The following VSIR variants were observed in gnomAD, a reference collection of about 807,000 sequenced individuals.
The protein encoded by VSIR is V-set immunoregulatory receptor.
A neutral mutation model predicts 31.0 loss-of-function variants in VSIR; 10 were observed. That is an observed-to-expected ratio of 0.32 (90% CI 0.20 to 0.55). The LOEUF is 0.55. VSIR is among the 20% of genes least tolerant of loss of function. The pLI is 0.93. For missense variants in VSIR, 356 were observed against 416.2 expected, an observed-to-expected ratio of 0.86 and a Z score of 1.26; for synonymous variants, 179 against 180.1, an observed-to-expected ratio of 0.99 and a Z score of 0.05.
At chr10:71,755,549 G>A in intron 3 of VSIR, 83 bp from the exon 4 acceptor site, 1 of 1,336,438 alleles carries the variant, frequency 7.5e-7, no homozygotes. Flanking sequence ...GAGAGGGAAG[G>A]CCAGGAAGCA....
chr10:71,759,804 C>T (rs1286814328), intron 3 of VSIR, among the ~76,000 whole-genome samples: 8 of 124,406 alleles, frequency 6.4e-5, no homozygotes, highest in Non-Finnish European at 1.3e-4. Context: ...AGAGTGAAAC[C>T]GTGTTTCAGA....
chr10:71,751,238 T>C lies in VSIR; in HGVS notation c.*15A>G. 1 of 1,605,380 alleles carries C rather than the reference T, an allele frequency of 6.2e-7. No individual in the cohort carries two copies. Among genetic ancestry groups the C allele is most frequent in the Non-Finnish European group, 8.5e-7 (1 of 1,175,328 alleles). On this transcript the variant is annotated 3_prime_UTR_variant, in exon 7 of 7. Coordinates refer to ENST00000394957, the MANE Select transcript of VSIR (RefSeq NM_022153.2). This position sits in a 1 kb window ranked among gnomAD's most constrained non-coding sequence, Gnocchi z 4.9. ...CCCAGACCCAGCCACAACAGCCCAC[T>C]GTCCCCCAGCTGGGCTAGATGACCT...
intron 3 of VSIR, 49 bp from the exon 4 acceptor site, chr10:71,755,515 C>T: frequency 6.6e-7 from 1 of 1,519,332 alleles, no homozygotes; most frequent in Non-Finnish European, 9.0e-7. Context: ...CCCATTGCTC[C>T]TCCTGAGCAT....
At chr10:71,753,179 T>C (rs1840050104) in intron 4 of VSIR, among the ~76,000 whole-genome samples, 177 bp from the exon 5 acceptor site, 2 of 152,302 alleles carry the variant, frequency 1.3e-5, no homozygotes, top group South Asian at 4.1e-4. Flanking sequence ...TCTGCGTGTC[T>C]GTCCAGCAGA....
intron 1 of VSIR, among the ~76,000 whole-genome samples, chr10:71,762,374 C>G (rs990889941): frequency 6.6e-6 from 1 of 152,216 alleles, no homozygotes; most frequent in Non-Finnish European, 1.5e-5. Flanking sequence ...AAGGCTGTTT[C>G]GAACAGCAGC....
At chr10:71,759,755 T>TGAGCG (rs533870784) in intron 3 of VSIR, among the ~76,000 whole-genome samples, 2 of 150,728 alleles carry the variant, frequency 1.3e-5, no homozygotes, top group South Asian at 4.2e-4. Flanking sequence ...GAGGTTGCAG[T>TGAGCG]GAGCCCAGAT....
In VSIR at chr10:71,751,181, C is replaced by G. The variant is rs977319560; in HGVS notation, c.*72G>C. 44 of 1,534,080 alleles carry G rather than the reference C, an allele frequency of 2.9e-5. No homozygotes were observed. The highest frequency in any genetic ancestry group is 3.7e-5 in the Non-Finnish European group (42 of 1,128,634). ...CAGGGCCGAGGCCAAGGAGGCCACT[C>G]ACAGAGCCAGCCCTGGCTCAAATGC... On this transcript the variant is annotated 3_prime_UTR_variant, in exon 7 of 7. Transcript: ENST00000394957. The surrounding 1 kb of genome is among the most constrained non-coding windows in gnomAD (Gnocchi z 4.9).
At position 71,761,922 on chromosome 10, in the gene VSIR, C is replaced by T. The variant is rs1840400913; in HGVS notation, c.187G>A (p.Gly63Arg). 1 of 1,613,954 alleles carries T rather than the reference C, an allele frequency of 6.2e-7. No homozygotes were observed. Among genetic ancestry groups the T allele is most frequent in the Non-Finnish European group, 8.5e-7 (1 of 1,180,040 alleles). ...TCRLLGPVDK[G>R]HDVTFYKTWY... ...GTCTTGTAGAAGGTCACATCGTGCC[C>T]TTTGTCCACAGGGCCCAAGAGCCTG... Residue 63 changes from glycine to arginine, a missense_variant, in exon 2 of 7, where the codon GGG becomes AGG. Physicochemically the swap from Gly to Arg is moderately radical, Grantham distance 125. Coordinates refer to ENST00000394957, the MANE Select transcript of VSIR (RefSeq NM_022153.2).
At chr10:71,772,937 G>C (rs1465192813) in intron 1 of VSIR, among the ~76,000 whole-genome samples, 1 of 152,230 alleles carries the variant, frequency 6.6e-6, no homozygotes, top group East Asian at 1.9e-4. Context: ...TGTGTCCTCT[G>C]CAACACTAGA....
intron 5 of VSIR, 150 bp downstream of exon 5, chr10:71,752,825 G>T: frequency 1.0e-6 from 1 of 955,688 alleles, no homozygotes; most frequent in East Asian, 2.7e-5. Context: ...CAGCCAATCT[G>T]CACAGATGTG....
chr10:71,755,192 T>G (rs1176492662), intron 4 of VSIR, 167 bp downstream of exon 4: 1 of 735,030 alleles, frequency 1.4e-6, no homozygotes, highest in Non-Finnish European at 2.3e-6. Context: ...GCCTCCTTTC[T>G]CTCGGCCATT....
chr10:71,763,752 G>A (rs1217517940), intron 1 of VSIR, among the ~76,000 whole-genome samples: 1 of 152,232 alleles, frequency 6.6e-6, no homozygotes, highest in Non-Finnish European at 1.5e-5. Context: ...AGTAGTCGGC[G>A]CTTGGTACTT....
intron 2 of VSIR, 40 bp downstream of exon 2, chr10:71,761,558 C>G (rs1421571967): frequency 6.6e-7 from 1 of 1,517,342 alleles, no homozygotes; most frequent in African/African-American, 1.4e-5. Context: ...ACAGGCAGCC[C>G]TCCACACACG....
intron 1 of VSIR, among the ~76,000 whole-genome samples, chr10:71,763,442 C>T (rs1013339860): frequency 6.6e-6 from 1 of 152,222 alleles, no homozygotes; most frequent in Admixed American, 6.5e-5. Flanking sequence ...TGCCCAGAAC[C>T]AATATAATGC....
intron 3 of VSIR, among the ~76,000 whole-genome samples, chr10:71,760,320 T>C (rs1840345565): frequency 6.7e-6 from 1 of 148,818 alleles, no homozygotes; most frequent in African/African-American, 2.5e-5. Flanking sequence ...CACACATATA[T>C]ATATATATAT....
chr10:71,768,576 A>G (rs1453748137), intron 1 of VSIR, among the ~76,000 whole-genome samples: 1 of 152,158 alleles, frequency 6.6e-6, no homozygotes, highest in Non-Finnish European at 1.5e-5. Context: ...CATGGGCTCA[A>G]GTTATCCTCC....
intron 3 of VSIR, among the ~76,000 whole-genome samples, chr10:71,760,218 T>C (rs1438715839): frequency 3.6e-5 from 2 of 54,890 alleles, no homozygotes; most frequent in Admixed American, 3.6e-4. Context: ...TGTGTATATA[T>C]GTGTATATAT....
At chr10:71,755,160 A>T in intron 4 of VSIR, 199 bp downstream of exon 4, 1 of 664,162 alleles carries the variant, frequency 1.5e-6, no homozygotes, top group Non-Finnish European at 2.8e-6. Flanking sequence ...GCTGGTGGGC[A>T]CTTGGCCCCC....
intron 3 of VSIR, chr10:71,757,727 C>T (rs1400839094): frequency 2.0e-5 from 3 of 152,434 alleles, no homozygotes; most frequent in Non-Finnish European, 4.4e-5. Flanking sequence ...CAGGGCCTGC[C>T]TGGTAGCCCA....
Sources: gnomAD v4.1 joint callset for allele counts (sites outside exome capture counted in the v4.1 genomes callset) on GRCh38, gnomAD v4.1.1 for gene constraint, Gnocchi (gnomAD v3.1) non-coding constraint, MANE v1.5 for transcripts, NCBI Gene and HGNC (gene_info 2026-07-23, HGNC 2026-07-21) for gene names.